SLC25A25: variants seen among roughly 807,000 people sequenced by gnomAD.
The protein encoded by SLC25A25 is solute carrier family 25 member 25.
In SLC25A25, 32 loss-of-function variants were observed where a neutral mutation model predicts 57.7. The observed-to-expected ratio is 0.55, with a 90% CI of 0.42 to 0.74. The LOEUF (loss-of-function observed/expected upper bound fraction) is 0.74, where lower values mean the gene tolerates loss of function less well. Among genes scored for constraint, SLC25A25 ranks in the 30% least tolerant of loss-of-function variants. The pLI is 0.00. For synonymous variants in SLC25A25, 306 were observed against 291.2 expected (o/e 1.05, Z -0.52); for missense variants, 556 against 701.3 (o/e 0.79, Z 2.34).
Position 128,101,275 on chromosome 9 carries a change from G to A in SLC25A25, c.389-34G>A, listed in dbSNP as rs375705024. ...GGTCCAGCCTCGGGCCTCCCCGTGC[G>A]CCTGGCTCCTGCTCACGGCCTCTGT... On this transcript the variant is annotated intron_variant, in intron 2 of 10. Transcript: ENST00000373069. This position sits in a 1 kb window ranked among gnomAD's most constrained non-coding sequence, Gnocchi z 4.9. 56 of 1,614,120 alleles carry A rather than the reference G, an allele frequency of 3.5e-5. No individual in the cohort carries two copies. The highest frequency in any genetic ancestry group is 1.6e-4 in the Middle Eastern group (1 of 6,080).
rs1237574182 is a variant in SLC25A25, at chr9:128,068,260, G to T, written c.-60G>T. 10 of 1,057,556 alleles carry T rather than the reference G, an allele frequency of 9.5e-6. No individual in the cohort carries two copies. The East Asian group carries it at 2.7e-4, about 29-fold the overall frequency. The allele number at this position is 1,057,556 out of a possible 1,614,324, so 65.5% of individuals were successfully genotyped here. A position where few individuals can be genotyped will look rare whatever the true frequency, so the allele number is the denominator to read the frequency against. On this transcript the variant is annotated 5_prime_UTR_variant, in exon 1 of 11. Transcript: ENST00000373069. ...GAGCGCCTGGCTTGCCTCCCGCGCG[G>T]TCACCGCCGGCCCGCCGCCCCCGCT...
chr9:128,103,228 A>T lies in SLC25A25; in HGVS notation c.625-453A>T, dbSNP rs1833879915. Among the ~76,000 whole-genome samples the T allele has an allele frequency of 6.6e-6, 1 of 152,202 alleles. No individual in the cohort carries two copies. ...CCCGGATGTCACCCGGAGAAAGGTTACGCAGGCAGCGAGCCCTCGTGTTTG... is the reference window on the plus strand; with the variant it reads ...CCCGGATGTCACCCGGAGAAAGGTTTCGCAGGCAGCGAGCCCTCGTGTTTG... On this transcript the variant is annotated intron_variant, in intron 5 of 10. Transcript: ENST00000373069. The surrounding 1 kb of genome is among the most constrained non-coding windows in gnomAD (Gnocchi z 6.7).
chr9:128,069,773 A>G (rs967624721), intron 1 of SLC25A25, among the ~76,000 whole-genome samples: 6 of 152,176 alleles, frequency 3.9e-5, no homozygotes, highest in African/African-American at 1.4e-4. Flanking sequence ...TTGTTTTGAG[A>G]CGGAGTCTGG....
rs775510321 is a variant in SLC25A25, at chr9:128,107,492, C to T, written c.*48C>T. ...TGGACTCGCTGATCCTGGGCCGCAGCCTGGGGTGTGCAGCCATCTCATTCT... is the reference window on the plus strand; with the variant it reads ...TGGACTCGCTGATCCTGGGCCGCAGTCTGGGGTGTGCAGCCATCTCATTCT... On this transcript the variant is annotated 3_prime_UTR_variant, in exon 11 of 11. Coordinates refer to ENST00000373069, the MANE Select transcript of SLC25A25 (RefSeq NM_001330988.2). 4.4e-5 allele frequency: 66 copies of T among 1,496,234 alleles called. No homozygotes were observed. The highest frequency in any genetic ancestry group is 5.8e-5 in the Non-Finnish European group (65 of 1,121,692). The allele number at this position is 1,496,234 out of a possible 1,614,324, so 92.7% of individuals were successfully genotyped here.
chr9:128,102,254 C>G lies in SLC25A25; in HGVS notation c.513-116C>G. 5 of 1,398,422 alleles carry G rather than the reference C, an allele frequency of 3.6e-6. No homozygotes were observed. The South Asian group carries it at 6.1e-5, about 17-fold the overall frequency. 86.6% of individuals were successfully genotyped at this position (1,398,422 alleles called of 1,614,324 possible). ...CTGCTCTTTCTCCTGGGGGCAGAGG[C>G]ACCTCGTGTGGTTTCTGGGCATCCG... On this transcript the variant is annotated intron_variant, in intron 4 of 10. Transcript: ENST00000373069. The surrounding 1 kb of genome is among the most constrained non-coding windows in gnomAD (Gnocchi z 4.1).
At chr9:128,070,950 C>CAAAAA (rs531221205) in intron 1 of SLC25A25, among the ~76,000 whole-genome samples, 5 of 57,420 alleles carry the variant, frequency 8.7e-5, no homozygotes, top group African/African-American at 2.3e-4. Context: ...AACTCCATCT[C>CAAAAA]AAAAAAAAAA....
chr9:128,091,325 C>G, intron 1 of SLC25A25: 3 of 592,294 alleles, frequency 5.1e-6, no homozygotes, highest in Non-Finnish European at 6.4e-6. Context: ...GGGCTTCATG[C>G]AGGCAATCAG....
At chr9:128,069,192 G>A (rs1225846460) in intron 1 of SLC25A25, among the ~76,000 whole-genome samples, 1 of 152,200 alleles carries the variant, frequency 6.6e-6, no homozygotes, top group Non-Finnish European at 1.5e-5. Flanking sequence ...GAAAGAATCC[G>A]GGGGAAATTT....
At chr9:128,090,559 C>G (rs1382273130) in intron 1 of SLC25A25, among the ~76,000 whole-genome samples, 1 of 151,730 alleles carries the variant, frequency 6.6e-6, no homozygotes. Context: ...TCCTGTAATC[C>G]CAGCACTTTG....
chr9:128,091,314 C>T (rs775898464), intron 1 of SLC25A25: 95 of 474,190 alleles, frequency 2.0e-4, no homozygotes, highest in Non-Finnish European at 2.5e-4. Context: ...GCAGAATTGC[C>T]GGGCTTCATG....
At chr9:128,090,129 C>T (rs765573058) in intron 1 of SLC25A25, among the ~76,000 whole-genome samples, 8 of 152,194 alleles carry the variant, frequency 5.3e-5, no homozygotes, top group South Asian at 2.1e-4. Context: ...TTCCAGAGGC[C>T]GTCTTCACAA....
rs374379807 is a variant in SLC25A25, at chr9:128,098,926, T to A, written c.262-2170T>A. ...TTTTCATGTGACTTCCCAGGAAGGC[T>A]GGAATTCCAGCGAAGGCTGTTGTGA... is the stretch of plus-strand genomic sequence containing the variant. On this transcript the variant is annotated intron_variant, in intron 1 of 10. Coordinates refer to ENST00000373069, the MANE Select transcript of SLC25A25 (RefSeq NM_001330988.2). The A allele has an allele frequency of 9.1e-6, 9 of 985,430 alleles. No homozygotes were observed. The African/African-American group carries it at 1.6e-4, about 17-fold the overall frequency. 61.0% of individuals were successfully genotyped at this position (985,430 alleles called of 1,614,324 possible).
Position 128,101,051 on chromosome 9 carries a change from G to A in SLC25A25, c.262-45G>A, listed in dbSNP as rs768428546. ...GGGGCCCCACAAGGGACAAGGAAAG[G>A]CTGGTCCAGGAGCCAAAAGACAAAA... On this transcript the variant is annotated intron_variant, in intron 1 of 10. Coordinates refer to ENST00000373069, the MANE Select transcript of SLC25A25 (RefSeq NM_001330988.2). This position sits in a 1 kb window ranked among gnomAD's most constrained non-coding sequence, Gnocchi z 4.9. 6.2e-7 allele frequency: 1 copy of A among 1,612,200 alleles called. No individual in the cohort carries two copies. The highest frequency in any genetic ancestry group is 1.1e-5 in the South Asian group (1 of 90,942).
intron 1 of SLC25A25, chr9:128,092,230 GC>G: frequency 1.8e-6 from 2 of 1,092,062 alleles, no homozygotes; most frequent in Non-Finnish European, 2.6e-6. Flanking sequence ...CAATGAGGAA[GC>G]CCACAAATGC....
chr9:128,089,478 G>A (rs1431667995), intron 1 of SLC25A25, among the ~76,000 whole-genome samples: 1 of 152,114 alleles, frequency 6.6e-6, no homozygotes, highest in Non-Finnish European at 1.5e-5. Flanking sequence ...GGAATTTGGG[G>A]TCTGGCTCCA....
At chr9:128,077,234 G>T (rs1833034456) in intron 1 of SLC25A25, among the ~76,000 whole-genome samples, 1 of 152,188 alleles carries the variant, frequency 6.6e-6, no homozygotes, top group Non-Finnish European at 1.5e-5. Context: ...CTGATTGAAA[G>T]AAGCCAGTCG....
At chr9:128,075,562 C>T (rs10987863) in intron 1 of SLC25A25, among the ~76,000 whole-genome samples, 36,270 of 151,906 alleles carry the variant, frequency 0.24, 5,549 homozygotes, top group African/African-American at 0.43. Context: ...AAAATGGGGG[C>T]CAAGTGTGGC....
rs1314670253 is a variant in SLC25A25, at chr9:128,107,146, C to G, written c.1330C>G (p.Leu444Val). ...CTGTGGCCAGCTGGCCAGCTACCCC[C>G]TGGCCCTAGTCAGGACCCGGATGCA... is the stretch of plus-strand genomic sequence containing the variant. ...STCGQLASYP[L>V]ALVRTRMQAQ... is the part of the protein sequence containing the mutation. The change falls in exon 10 of 11, where the codon CTG becomes GTG. Residue 444 changes from leucine (L) to valine (V), a missense_variant. This residue lies in a region of SLC25A25 where 294 missense variants were observed against 389.6 expected (regional missense o/e 0.75). Transcript: ENST00000373069. 4 of 1,613,914 alleles carry G rather than the reference C, an allele frequency of 2.5e-6. No homozygotes were observed. The African/African-American group carries it at 5.3e-5, about 22-fold the overall frequency.
chr9:128,105,119 A>G (rs973357947), intron 6 of SLC25A25, among the ~76,000 whole-genome samples: 2 of 142,872 alleles, frequency 1.4e-5, no homozygotes, highest in African/African-American at 5.2e-5. Context: ...TCGGCCTCCC[A>G]AAGTGCTGGG....
Sources: gnomAD v4.1 joint callset for allele counts (sites outside exome capture counted in the v4.1 genomes callset) on GRCh38, gnomAD v4.1.1 for gene constraint, gnomAD v4.1.1 regional missense constraint, Gnocchi (gnomAD v3.1) non-coding constraint, MANE v1.5 for transcripts, NCBI Gene and HGNC (gene_info 2026-07-23, HGNC 2026-07-21) for gene names.